Variants in PHACTR1 observed in about 807,000 individuals in gnomAD.
PHACTR1 encodes the protein RPEL repeat containing 1.
A neutral mutation model predicts 69.2 loss-of-function variants in PHACTR1; 16 were observed. The ratio of observed to expected loss-of-function variants is 0.23; its 90% confidence interval spans 0.16 to 0.35. PHACTR1 has a LOEUF of 0.35. Ranked by LOEUF, PHACTR1 falls within the 10% of genes least tolerant of loss-of-function variation. PHACTR1 has a pLI of 1.00. For missense variants in PHACTR1, 510 were observed against 734.7 expected (o/e 0.69, Z 3.54); for synonymous variants, 312 against 284.5 (o/e 1.10, Z -0.97).
chr6:12,911,289 A>C (rs1014969688), intron 4 of PHACTR1, among the ~76,000 whole-genome samples: 6 of 152,202 alleles, frequency 3.9e-5, no homozygotes, highest in African/African-American at 1.4e-4. Flanking sequence ...GTTTCTGCAG[A>C]AATCGACATT....
chr6:13,031,942 G>T (rs760774907), intron 4 of PHACTR1, among the ~76,000 whole-genome samples: 1 of 152,188 alleles, frequency 6.6e-6, no homozygotes, highest in Non-Finnish European at 1.5e-5. Flanking sequence ...TGTGGAGAAA[G>T]ATGTCAGTAT....
At chr6:13,084,969 C>T (rs1014286636) in intron 5 of PHACTR1, among the ~76,000 whole-genome samples, 7 of 151,820 alleles carry the variant, frequency 4.6e-5, no homozygotes, top group African/African-American at 1.7e-4. Flanking sequence ...TGGCAATTAG[C>T]GTAGAATAAA....
At chr6:13,072,432 T>G in intron 5 of PHACTR1, among the ~76,000 whole-genome samples, 1 of 152,222 alleles carries the variant, frequency 6.6e-6, no homozygotes, top group East Asian at 1.9e-4. Context: ...GAGACAAAAA[T>G]GCACCCTTAA....
chr6:12,914,251 G>A (rs1176996673), intron 4 of PHACTR1, among the ~76,000 whole-genome samples: 1 of 152,190 alleles, frequency 6.6e-6, no homozygotes, highest in Non-Finnish European at 1.5e-5. Context: ...GCCTGCCTCA[G>A]CCTCCCAAAG....
chr6:12,751,000 G>A (rs543191179), intron 4 of PHACTR1, among the ~76,000 whole-genome samples: 332 of 152,168 alleles, frequency 2.2e-3, no homozygotes, highest in African/African-American at 7.7e-3. Flanking sequence ...GTGTGCGCGT[G>A]CGTGCGCGTG....
chr6:12,835,460 A>G (rs144093150), intron 4 of PHACTR1, among the ~76,000 whole-genome samples: 8 of 152,218 alleles, frequency 5.3e-5, no homozygotes, highest in Admixed American at 5.2e-4. Flanking sequence ...AATACTTTTA[A>G]ACACTTATTT....
At position 13,227,891 on chromosome 6, in the gene PHACTR1, A is replaced by T. The variant is rs560766552; in HGVS notation, c.1062A>T (p.Ala354=). 8.4e-5 allele frequency: 136 copies of T among 1,614,036 alleles called. 1 individual carries two copies. The South Asian group carries it at 1.4e-3, about 17-fold the overall frequency. The change falls in exon 9 of 15, where the codon GCA becomes GCT. Residue 354 remains alanine (A), a synonymous_variant. Transcript: ENST00000332995. ...GLHSGDGVTK[A]GPMGLPEIRQ... ...ACTCGGGTGATGGGGTCACCAAAGC[A>T]GGACCTATGGGCCTTCCAGAAATAA...
chr6:12,798,056 A>ACACACACACACACACACACG (rs1254926216), intron 4 of PHACTR1, among the ~76,000 whole-genome samples: 3 of 151,512 alleles, frequency 2.0e-5, no homozygotes, highest in African/African-American at 7.3e-5. Flanking sequence ...ACACACACAC[A>ACACACACACACACACACACG]CACACACACA....
intron 8 of PHACTR1, among the ~76,000 whole-genome samples, chr6:13,225,697 C>A (rs1769524093): frequency 2.6e-5 from 4 of 152,178 alleles, no homozygotes; most frequent in Admixed American, 2.0e-4. Context: ...TCCCACCAAA[C>A]AAGAATCTAT....
At chr6:13,002,071 A>G (rs1798157327) in intron 4 of PHACTR1, among the ~76,000 whole-genome samples, 1 of 152,194 alleles carries the variant, frequency 6.6e-6, no homozygotes, top group Non-Finnish European at 1.5e-5. Context: ...ATTAACACTG[A>G]ACTATGCATT....
At chr6:13,033,282 A>G (rs1802747582) in intron 4 of PHACTR1, among the ~76,000 whole-genome samples, 1 of 152,096 alleles carries the variant, frequency 6.6e-6, no homozygotes. Context: ...AAATGAGACT[A>G]TTTTCCCCTC....
intron 4 of PHACTR1, among the ~76,000 whole-genome samples, chr6:12,941,881 A>C (rs1302417414): frequency 1.3e-5 from 2 of 152,220 alleles, no homozygotes; most frequent in African/African-American, 4.8e-5. Flanking sequence ...CTTGCAATCA[A>C]AACATCATGA....
At chr6:13,163,160 A>C (rs1319464682) in intron 6 of PHACTR1, among the ~76,000 whole-genome samples, 6 of 152,186 alleles carry the variant, frequency 3.9e-5, no homozygotes, top group African/African-American at 1.4e-4. Flanking sequence ...CAGGAGAATC[A>C]CTTGAACCCA....
chr6:12,978,850 A>G (rs1795186213), intron 4 of PHACTR1, among the ~76,000 whole-genome samples: 1 of 152,220 alleles, frequency 6.6e-6, no homozygotes, highest in South Asian at 2.1e-4. Flanking sequence ...ATGAAACTCA[A>G]AATGGCTCCA....
At chr6:12,959,769 T>C (rs1792444222) in intron 4 of PHACTR1, among the ~76,000 whole-genome samples, 1 of 152,200 alleles carries the variant, frequency 6.6e-6, no homozygotes, top group Non-Finnish European at 1.5e-5. Flanking sequence ...ATGCTCAAAA[T>C]AGTTTTGGTT....
intron 4 of PHACTR1, among the ~76,000 whole-genome samples, chr6:12,934,359 C>T (rs1271332501): frequency 2.0e-5 from 3 of 152,220 alleles, no homozygotes; most frequent in African/African-American, 7.2e-5. Flanking sequence ...AATAAAGTCA[C>T]ATTCACAAGT....
chr6:12,967,952 C>G (rs1440160599), intron 4 of PHACTR1, among the ~76,000 whole-genome samples: 1 of 152,180 alleles, frequency 6.6e-6, no homozygotes, highest in Admixed American at 6.5e-5. Context: ...AGCTAACAGA[C>G]GCCTGAGCAG....
intron 4 of PHACTR1, among the ~76,000 whole-genome samples, chr6:12,862,264 A>C (rs1781018487): frequency 6.6e-6 from 1 of 152,224 alleles, no homozygotes; most frequent in African/African-American, 2.4e-5. Flanking sequence ...TTGTAAATTC[A>C]GCATGAGTTG....
intron 11 of PHACTR1, chr6:13,274,183 G>A (rs1778402083): frequency 6.6e-6 from 1 of 150,834 alleles, no homozygotes; most frequent in South Asian, 2.1e-4. Flanking sequence ...CTTGCCTCCC[G>A]TCCCCACGCC....
Sources: gnomAD v4.1 joint callset for allele counts (sites outside exome capture counted in the v4.1 genomes callset) on GRCh38, gnomAD v4.1.1 for gene constraint, MANE v1.5 for transcripts, NCBI Gene and HGNC (gene_info 2026-07-23, HGNC 2026-07-21) for gene names.